The following ARID4B variants were observed in gnomAD, a reference collection of about 807,000 sequenced individuals.
The protein encoded by ARID4B is AT-rich interaction domain 4B.
A neutral mutation model predicts 147.5 loss-of-function variants in ARID4B; 26 were observed. The observed-to-expected ratio is 0.18, with a 90% CI of 0.13 to 0.24. The LOEUF (loss-of-function observed/expected upper bound fraction) is 0.24. ARID4B is among the 10% of genes least tolerant of loss of function. ARID4B has a pLI of 1.00. For missense variants in ARID4B, 1,179 were observed against 1,511.5 expected (o/e 0.78, Z 3.65); for synonymous variants, 512 against 507.9 (o/e 1.01, Z -0.11).
intron 17 of ARID4B, among the ~76,000 whole-genome samples, chr1:235,205,867 GA>G (rs1406448592): frequency 6.6e-6 from 1 of 152,162 alleles, no homozygotes; most frequent in African/African-American, 2.4e-5. Flanking sequence ...AACAAGTGTT[GA>G]CAAGGCTGCA....
chr1:235,257,143 A>G lies in ARID4B; in HGVS notation c.183+17T>C, dbSNP rs2103109134. ...TCCCAAACAACCATTAGAATTAACA[A>G]TGAATACATGAATTACCTTTAGTGG... On this transcript the variant is annotated intron_variant, in intron 4 of 23. Coordinates refer to ENST00000264183, the MANE Select transcript of ARID4B (RefSeq NM_016374.6). The G allele has an allele frequency of 6.4e-7, 1 of 1,568,354 alleles. No homozygotes were observed. The highest frequency in any genetic ancestry group is 1.7e-5 in the Admixed American group (1 of 59,774).
intron 5 of ARID4B, among the ~76,000 whole-genome samples, chr1:235,255,251 A>ATCTATC (rs1316438154): frequency 2.9e-5 from 3 of 102,732 alleles, no homozygotes; most frequent in African/African-American, 9.5e-5. Flanking sequence ...AGATAGATAG[A>ATCTATC]TAGATAGATA....
chr1:235,176,677 G>A (rs900721988), intron 21 of ARID4B: 2 of 350,936 alleles, frequency 5.7e-6, no homozygotes, highest in Non-Finnish European at 1.1e-5. Context: ...CTATGCAGTG[G>A]ACTGTCTCAG....
chr1:235,207,420 T>G (rs1481807780), intron 17 of ARID4B, among the ~76,000 whole-genome samples: 1 of 152,168 alleles, frequency 6.6e-6, no homozygotes, highest in Admixed American at 6.5e-5. Context: ...GAGGGTTAGA[T>G]TTAATCAAGG....
intron 6 of ARID4B, among the ~76,000 whole-genome samples, chr1:235,251,525 A>G (rs1669643922): frequency 6.6e-6 from 1 of 152,130 alleles, no homozygotes; most frequent in African/African-American, 2.4e-5. Flanking sequence ...AATCATTAAG[A>G]GAAGCAAAAA....
chr1:235,227,979 TCCA>T (rs1667939205), intron 11 of ARID4B, among the ~76,000 whole-genome samples: 1 of 151,492 alleles, frequency 6.6e-6, no homozygotes, highest in African/African-American at 2.4e-5. Flanking sequence ...ATTACAGGTG[TCCA>T]CCACCACACC....
intron 7 of ARID4B, 84 bp from the exon 8 acceptor site, chr1:235,240,535 T>C: frequency 7.8e-7 from 1 of 1,275,008 alleles, no homozygotes; most frequent in Non-Finnish European, 1.1e-6. Flanking sequence ...ATTCCCAAAC[T>C]CTTATTACAT....
intron 16 of ARID4B, among the ~76,000 whole-genome samples, chr1:235,218,802 T>C (rs1045261672): frequency 3.3e-5 from 5 of 152,044 alleles, no homozygotes; most frequent in African/African-American, 1.2e-4. Flanking sequence ...ATAAGCCCCA[T>C]TTTTTATTTT....
intron 12 of ARID4B, 134 bp from the exon 13 acceptor site, chr1:235,223,394 T>TATATATATACACACGTATATAG (rs1667621789): frequency 5.3e-6 from 1 of 189,536 alleles, no homozygotes; most frequent in Admixed American, 7.9e-5. Flanking sequence ...CACGTATATA[T>TATATATATACACACGTATATAG]ATGTGTGTGT....
rs185607930 is a variant in ARID4B, at chr1:235,248,528, T to C, written c.355-2017A>G. ...GTCAAGCAAACAGATGGATTAAATG[T>C]ATGCTCTCCCCACCGAAAATTAAGG... On this transcript the variant is annotated intron_variant, in intron 6 of 23. Transcript: ENST00000264183. Among the ~76,000 whole-genome samples, 11 of 152,334 alleles carry C rather than the reference T, an allele frequency of 7.2e-5. No homozygotes were observed. In the East Asian group the frequency reaches 1.7e-3, roughly 24 times the overall value.
chr1:235,218,008 T>C (rs966080374), intron 16 of ARID4B, among the ~76,000 whole-genome samples: 1 of 152,168 alleles, frequency 6.6e-6, no homozygotes, highest in Non-Finnish European at 1.5e-5. Context: ...CAATGACTAA[T>C]AACAAAGCAA....
intron 19 of ARID4B, among the ~76,000 whole-genome samples, chr1:235,192,100 T>C (rs1665152473): frequency 6.6e-6 from 1 of 151,604 alleles, no homozygotes; most frequent in Non-Finnish European, 1.5e-5. Context: ...AAAAACACCC[T>C]AAAAAAATGA....
chr1:235,244,930 T>G (rs1669207929), intron 7 of ARID4B, among the ~76,000 whole-genome samples: 1 of 152,190 alleles, frequency 6.6e-6, no homozygotes, highest in Non-Finnish European at 1.5e-5. Context: ...CAAACTGTAG[T>G]ACTTGCCTGT....
At chr1:235,323,610 C>A (rs1023552862) in intron 2 of ARID4B, among the ~76,000 whole-genome samples, 1 of 151,868 alleles carries the variant, frequency 6.6e-6, no homozygotes, top group Non-Finnish European at 1.5e-5. Flanking sequence ...TATGGAGAAA[C>A]CTTGTCTCTA....
chr1:235,305,474 T>G (rs1558298655), intron 2 of ARID4B, among the ~76,000 whole-genome samples: 2 of 152,206 alleles, frequency 1.3e-5, no homozygotes, highest in Non-Finnish European at 1.5e-5. Context: ...AGATATATAT[T>G]AAAGAGGCAG....
chr1:235,282,022 A>T (rs2103181396), intron 2 of ARID4B, among the ~76,000 whole-genome samples: 1 of 152,308 alleles, frequency 6.6e-6, no homozygotes, highest in South Asian at 2.1e-4. Context: ...ATGAATATAC[A>T]CCATGATTCA....
At chr1:235,301,217 A>T (rs1572190929) in intron 2 of ARID4B, among the ~76,000 whole-genome samples, 1 of 151,500 alleles carries the variant, frequency 6.6e-6, no homozygotes, top group Non-Finnish European at 1.5e-5. Flanking sequence ...AATTTTATTA[A>T]ATCTAAATAC....
chr1:235,270,344 T>C lies in ARID4B; in HGVS notation c.7-9592A>G, dbSNP rs905925434. ...ACCCCTTCCCAAAACACGAAAATCT[T>C]TGGATGTTATCTATATTTCTTAATA... is the stretch of plus-strand genomic sequence containing the variant. On this transcript the variant is annotated intron_variant, in intron 2 of 23. Transcript: ENST00000264183. 3.3e-5 allele frequency among the ~76,000 whole-genome samples: 5 copies of C among 152,154 alleles called. No individual in the cohort carries two copies. In the South Asian group the frequency reaches 8.3e-4, roughly 25 times the overall value.
At chr1:235,290,420 G>A (rs2103208633) in intron 2 of ARID4B, among the ~76,000 whole-genome samples, 1 of 143,258 alleles carries the variant, frequency 7.0e-6, no homozygotes, top group Admixed American at 7.3e-5. Context: ...ACGACAGAAT[G>A]AGATTCCATC....
Sources: allele counts gnomAD v4.1 joint callset (sites outside exome capture counted in the v4.1 genomes callset), GRCh38; gene constraint gnomAD v4.1.1; transcripts MANE v1.5; gene names NCBI Gene and HGNC (gene_info 2026-07-23, HGNC 2026-07-21).